The following JAK1 variants were observed in gnomAD, a reference collection of about 807,000 sequenced individuals.
JAK1 encodes the protein Janus kinase 1.
A neutral mutation model predicts 136.6 loss-of-function variants in JAK1; 16 were observed. The observed-to-expected ratio is 0.12, with a 90% CI of 0.08 to 0.18. The LOEUF (loss-of-function observed/expected upper bound fraction) is 0.18, where lower values mean the gene tolerates loss of function less well. JAK1 is among the 10% of genes least tolerant of loss of function. The pLI is 1.00. For missense variants in JAK1, 859 were observed against 1,450.1 expected (o/e 0.59, Z 6.62); for synonymous variants, 492 against 519.5 (o/e 0.95, Z 0.72).
At chr1:65,058,690 T>C (rs1647657212) in intron 1 of JAK1, among the ~76,000 whole-genome samples, 1 of 152,150 alleles carries the variant, frequency 6.6e-6, no homozygotes, top group African/African-American at 2.4e-5. Flanking sequence ...AAGGCCCAGT[T>C]GAATTAAATT....
chr1:64,942,491 T>G (rs918113691), intron 1 of JAK1: 2 of 152,224 alleles, frequency 1.3e-5, no homozygotes, highest in Non-Finnish European at 2.9e-5. Flanking sequence ...CTTTGCAAGA[T>G]TATTTCATCA....
intron 1 of JAK1, among the ~76,000 whole-genome samples, chr1:64,954,020 G>C (rs1038694217): frequency 3.9e-5 from 6 of 152,262 alleles, no homozygotes; most frequent in African/African-American, 1.4e-4. Flanking sequence ...ATATTGTATA[G>C]ACACATCAAG....
chr1:64,902,974 G>T (rs968499693), intron 1 of JAK1, among the ~76,000 whole-genome samples: 1 of 152,120 alleles, frequency 6.6e-6, no homozygotes, highest in African/African-American at 2.4e-5. Flanking sequence ...TCTTTGCCCC[G>T]TTTTCTTAAT....
intron 2 of JAK1, among the ~76,000 whole-genome samples, chr1:64,977,783 G>A (rs1251511008): frequency 6.6e-6 from 1 of 152,026 alleles, no homozygotes; most frequent in East Asian, 1.9e-4. Flanking sequence ...TGCATTTGTT[G>A]AACACACTAT....
chr1:64,925,407 A>T (rs1031913976), intron 1 of JAK1, among the ~76,000 whole-genome samples: 23 of 151,994 alleles, frequency 1.5e-4, no homozygotes, highest in Non-Finnish European at 2.4e-4. Flanking sequence ...AAAAAAAAAA[A>T]TTTTTGCTCT....
chr1:65,017,402 AG>A (rs1475398716), intron 2 of JAK1, among the ~76,000 whole-genome samples: 3 of 152,266 alleles, frequency 2.0e-5, no homozygotes, highest in African/African-American at 7.2e-5. Context: ...CAGGAGGCGG[AG>A]GTTGTAGTGA....
intron 2 of JAK1, among the ~76,000 whole-genome samples, chr1:65,043,050 A>G (rs1354431114): frequency 6.6e-6 from 1 of 152,220 alleles, no homozygotes; most frequent in African/African-American, 2.4e-5. Flanking sequence ...GCAGGACAAT[A>G]TGAATGACAG....
At position 64,850,144 on chromosome 1, in the gene JAK1, T is replaced by C. The variant is rs541488059; in HGVS notation, c.1755+660A>G. Among the ~76,000 whole-genome samples the C allele has an allele frequency of 2.6e-5, 4 of 152,234 alleles. No homozygotes were observed. In the East Asian group the frequency reaches 7.7e-4, roughly 29 times the overall value. On this transcript the variant is annotated intron_variant, in intron 12 of 24. Coordinates refer to ENST00000342505, the MANE Select transcript of JAK1 (RefSeq NM_002227.4). ...CAAGGCTGCCGCACCATCTCCCTGA[T>C]ACCCCAACGCGTGGCCCTATGCAAC...
intron 8 of JAK1, among the ~76,000 whole-genome samples, chr1:64,862,899 C>T (rs547656440): frequency 4.6e-5 from 7 of 152,198 alleles, no homozygotes; most frequent in Non-Finnish European, 8.8e-5. Flanking sequence ...TCTCAGATTC[C>T]TCATTTCAAG....
intron 1 of JAK1, among the ~76,000 whole-genome samples, chr1:64,957,897 T>G (rs1435463105): frequency 6.6e-6 from 1 of 151,632 alleles, no homozygotes; most frequent in Non-Finnish European, 1.5e-5. Context: ...TGAGCCGAGA[T>G]AGCGCCACTG....
chr1:64,887,377 T>C (rs912388612), intron 1 of JAK1, among the ~76,000 whole-genome samples: 3 of 152,196 alleles, frequency 2.0e-5, no homozygotes, highest in African/African-American at 7.2e-5. Flanking sequence ...TTGTTTTAAT[T>C]ATGTGAATAA....
intron 4 of JAK1, among the ~76,000 whole-genome samples, chr1:64,878,246 A>T (rs142505942): frequency 6.6e-6 from 1 of 152,230 alleles, no homozygotes; most frequent in African/African-American, 2.4e-5. Context: ...TGTAACTAAC[A>T]TATTTTCCAT....
chr1:65,020,473 T>C (rs1421206589), intron 2 of JAK1, among the ~76,000 whole-genome samples: 2 of 152,156 alleles, frequency 1.3e-5, no homozygotes, highest in Non-Finnish European at 2.9e-5. Flanking sequence ...CTGGAAACGA[T>C]TCACTGTGCT....
At chr1:64,869,257 T>C (rs1380842061) in intron 6 of JAK1, 54 bp downstream of exon 6, 2 of 1,541,660 alleles carry the variant, frequency 1.3e-6, no homozygotes, top group Non-Finnish European at 8.9e-7. Context: ...TGTAAGAACA[T>C]GTAGAAACAC....
At position 65,014,978 on chromosome 1, in the gene JAK1, C is replaced by T. The variant is rs137920199; in HGVS notation, c.-78+29502G>A. 6.6e-5 allele frequency among the ~76,000 whole-genome samples: 10 copies of T among 152,236 alleles called. No homozygotes were observed. In the East Asian group the frequency reaches 1.9e-3, roughly 29 times the overall value. ...GGGATTACAGGCTTGAGCCACCGCGCCCGGCCCATATTATTCTATTCTTAG... is the reference window on the plus strand; with the variant it reads ...GGGATTACAGGCTTGAGCCACCGCGTCCGGCCCATATTATTCTATTCTTAG... On this transcript the variant is annotated intron_variant, in intron 2 of 25. Coordinates refer to the JAK1 transcript ENST00000671954.
At chr1:64,960,007 G>A (rs933851997) in intron 1 of JAK1, among the ~76,000 whole-genome samples, 1 of 152,146 alleles carries the variant, frequency 6.6e-6, no homozygotes. Flanking sequence ...CAGGAGGATT[G>A]CTTGAGCCCA....
chr1:64,937,395 T>G (rs1268876492), intron 1 of JAK1, among the ~76,000 whole-genome samples: 1 of 152,260 alleles, frequency 6.6e-6, no homozygotes, highest in Admixed American at 6.5e-5. Flanking sequence ...TCAGCCATTA[T>G]TCTAGTTGTA....
intron 2 of JAK1, among the ~76,000 whole-genome samples, chr1:64,983,824 A>G (rs992451709): frequency 2.6e-5 from 4 of 152,236 alleles, no homozygotes; most frequent in Non-Finnish European, 5.9e-5. Context: ...TTTTAAAGAA[A>G]AAAGTTCCAA....
At chr1:64,899,023 A>G (rs1212434813) in intron 1 of JAK1, among the ~76,000 whole-genome samples, 2 of 152,358 alleles carry the variant, frequency 1.3e-5, no homozygotes, top group Non-Finnish European at 2.9e-5. Context: ...ATTGACTAAT[A>G]TAAAAATCAA....
Sources: gnomAD v4.1 joint callset for allele counts (sites outside exome capture counted in the v4.1 genomes callset) on GRCh38, gnomAD v4.1.1 for gene constraint, MANE v1.5 for transcripts, NCBI Gene and HGNC (gene_info 2026-07-23, HGNC 2026-07-21) for gene names.